UNC13C: variants seen among roughly 807,000 people sequenced by gnomAD.
UNC13C encodes unc-13 homolog C.
A neutral mutation model predicts 245.4 loss-of-function variants in UNC13C; 174 were observed. That is an observed-to-expected ratio of 0.71 (90% CI 0.63 to 0.80). The LOEUF is 0.80. Ranked by LOEUF, UNC13C falls within the 30% of genes least tolerant of loss-of-function variation. UNC13C has a pLI of 0.00. For synonymous variants in UNC13C, 992 were observed against 895.1 expected (o/e 1.11, Z -1.93); for missense variants, 2,829 against 2,602.9 (o/e 1.09, Z -1.89).
chr15:54,272,195 A>T (rs1291342652), intron 10 of UNC13C, among the ~76,000 whole-genome samples: 1 of 152,138 alleles, frequency 6.6e-6, no homozygotes, highest in Non-Finnish European at 1.5e-5. Context: ...ATTGTTTTGG[A>T]CCTTTTGAAG....
chr15:54,218,065 T>C (rs2035096160), intron 4 of UNC13C, among the ~76,000 whole-genome samples: 1 of 151,862 alleles, frequency 6.6e-6, no homozygotes, highest in South Asian at 2.1e-4. Flanking sequence ...TTTAAAAAAT[T>C]TGTATTATAG....
chr15:54,137,738 G>A (rs2031809668), intron 2 of UNC13C, among the ~76,000 whole-genome samples: 1 of 151,604 alleles, frequency 6.6e-6, no homozygotes, highest in Non-Finnish European at 1.5e-5. Context: ...CTAGCTAAGA[G>A]TTTGACAATT....
Position 54,285,569 on chromosome 15 carries a change from T to C in UNC13C, c.3819-8326T>C, listed in dbSNP as rs989927184. 9.2e-5 allele frequency among the ~76,000 whole-genome samples: 14 copies of C among 152,324 alleles called. No homozygotes were observed. The East Asian group carries it at 2.5e-3, about 27-fold the overall frequency. ...GTAACTAGAGAATTTAATTACTGTT[T>C]GAAAGGCTGCCGTGGCTGCTTTGCC... On this transcript the variant is annotated intron_variant, in intron 10 of 32. Coordinates refer to ENST00000260323, the MANE Select transcript of UNC13C (RefSeq NM_001080534.3).
chr15:54,055,609 G>A (rs148982194), intron 2 of UNC13C, among the ~76,000 whole-genome samples: 122 of 152,230 alleles, frequency 8.0e-4, no homozygotes, highest in African/African-American at 2.8e-3. Context: ...CCATCAGTAT[G>A]CATTTGGAAA....
At chr15:53,861,252 G>A in the UNC13C span, among the ~76,000 whole-genome samples, 90,763 of 151,998 alleles carry the variant, frequency 0.6, 27,282 homozygotes, top group East Asian at 0.68. Context: ...TAATTAATTT[G>A]TATTACTTGG....
intron 19 of UNC13C, among the ~76,000 whole-genome samples, chr15:54,446,390 G>A (rs1027356883): frequency 2.6e-5 from 4 of 152,160 alleles, no homozygotes; most frequent in Non-Finnish European, 5.9e-5. Context: ...TAGGCAGTAT[G>A]GCCATTTTCA....
intron 1 of UNC13C, among the ~76,000 whole-genome samples, chr15:54,002,285 CA>C (rs911811741): frequency 1.3e-5 from 2 of 148,396 alleles, no homozygotes; most frequent in Admixed American, 6.7e-5. Flanking sequence ...GAATCCATCT[CA>C]AAAAAAAAGA....
At position 54,300,355 on chromosome 15, in the gene UNC13C, C is replaced by A; in HGVS notation, c.4250C>A (p.Ser1417Tyr). The change falls in exon 13 of 33, where the codon TCC becomes TAC. Residue 1417 changes from serine (S) to tyrosine (Y), a missense_variant. Ser to Tyr is a moderately radical substitution (Grantham distance 144, BLOSUM62 -2). Transcript: ENST00000260323. ...TTTGCTATGCGTTATGGAATTGAATCCATTTATCAAGCTATGACGTAAGTA... is the reference window on the plus strand; with the variant it reads ...TTTGCTATGCGTTATGGAATTGAATACATTTATCAAGCTATGACGTAAGTA... ...DEFAMRYGIE[S>Y]IYQAMTHFSC... 1 of 1,576,120 alleles carries A rather than the reference C, an allele frequency of 6.3e-7. No individual in the cohort carries two copies. Among genetic ancestry groups the A allele is most frequent in the Non-Finnish European group, 8.6e-7 (1 of 1,159,210 alleles).
intron 22 of UNC13C, among the ~76,000 whole-genome samples, chr15:54,502,102 C>T (rs1432047910): frequency 6.6e-6 from 1 of 152,142 alleles, no homozygotes; most frequent in East Asian, 1.9e-4. Context: ...AAATATAAGT[C>T]TGATTCCATG....
At position 54,286,949 on chromosome 15, in the gene UNC13C, C is replaced by A. The variant is rs572500524; in HGVS notation, c.3819-6946C>A. The stretch of plus-strand genomic sequence containing the variant: ...AACATTTAAAATTAGAAATATGAAT[C>A]ACTCTTTAAGAAGAGAATTATTTTT... On this transcript the variant is annotated intron_variant, in intron 10 of 32. Transcript: ENST00000260323. Among the ~76,000 whole-genome samples the A allele has an allele frequency of 2.0e-5, 3 of 152,248 alleles. No homozygotes were observed. The South Asian group carries it at 6.2e-4, about 32-fold the overall frequency.
At chr15:54,202,490 A>C (rs898824181) in intron 4 of UNC13C, among the ~76,000 whole-genome samples, 8 of 152,218 alleles carry the variant, frequency 5.3e-5, no homozygotes, top group African/African-American at 1.9e-4. Flanking sequence ...ATGGAACAGA[A>C]TAGAGAACCC....
At chr15:54,530,788 C>A (rs532177232) in intron 25 of UNC13C, among the ~76,000 whole-genome samples, 1 of 152,214 alleles carries the variant, frequency 6.6e-6, no homozygotes, top group Non-Finnish European at 1.5e-5. Context: ...TCTATTGTGG[C>A]TGGTGCAATG....
At chr15:54,143,984 A>G (rs1047858417) in intron 4 of UNC13C, among the ~76,000 whole-genome samples, 3 of 152,156 alleles carry the variant, frequency 2.0e-5, no homozygotes, top group Non-Finnish European at 4.4e-5. Context: ...TTTTATACAA[A>G]TGAATTCATA....
At chr15:54,518,385 CAT>C (rs1441319841) in intron 24 of UNC13C, among the ~76,000 whole-genome samples, 1 of 152,114 alleles carries the variant, frequency 6.6e-6, no homozygotes, top group East Asian at 1.9e-4. Context: ...CAGGGTTACT[CAT>C]ATACTGCCAA....
rs555312355 is a variant in UNC13C, at chr15:54,256,701, A to G, written c.3448+6257A>G. 2.0e-5 allele frequency among the ~76,000 whole-genome samples: 3 copies of G among 152,322 alleles called. No individual in the cohort carries two copies. The South Asian group carries it at 6.2e-4, about 32-fold the overall frequency. On this transcript the variant is annotated intron_variant, in intron 8 of 32. Transcript: ENST00000260323. ...ACAACAACAACGAAAACACTATACA[A>G]TAAAGATAGAGTTTGGTACTATCTG...
rs58264883 is a variant in UNC13C at position 54,028,684 on chromosome 15, C to CTTTTTTTTT, written c.2983+12811_2983+12819dup. Among the ~76,000 whole-genome samples the CTTTTTTTTT allele has an allele frequency of 1.8e-3, 156 of 87,088 alleles. 2 individuals carry two copies. The highest frequency in any genetic ancestry group is 3.0e-3 in the East Asian group (8 of 2,636). 57.1% of individuals were successfully genotyped at this position (87,088 alleles called of 152,430 possible). ...TGGCCTCCAGAGTCAGCCTACAAGT[C>CTTTTTTTTT]TTTTTTTTTTTTTTTTTTTTTGAGA... On this transcript the variant is annotated intron_variant, in intron 2 of 32. Coordinates refer to ENST00000260323, the MANE Select transcript of UNC13C (RefSeq NM_001080534.3).
chr15:54,241,807 C>T (rs762470701), intron 7 of UNC13C, among the ~76,000 whole-genome samples: 1 of 152,184 alleles, frequency 6.6e-6, no homozygotes, highest in Admixed American at 6.5e-5. Context: ...CATGCTGAGT[C>T]TAATGCCTCC....
intron 30 of UNC13C, among the ~76,000 whole-genome samples, chr15:54,617,349 AG>A (rs759854490): frequency 6.6e-6 from 1 of 152,108 alleles, no homozygotes; most frequent in Non-Finnish European, 1.5e-5. Context: ...GATGTAAAAA[AG>A]AAAAAAGTGG....
At chr15:54,317,341 C>T (rs894228487) in intron 13 of UNC13C, among the ~76,000 whole-genome samples, 2 of 151,836 alleles carry the variant, frequency 1.3e-5, no homozygotes, top group African/African-American at 2.4e-5. Context: ...CTGAATTATT[C>T]AAATTTTCAC....
Sources: gnomAD v4.1 joint callset for allele counts (sites outside exome capture counted in the v4.1 genomes callset) on GRCh38, gnomAD v4.1.1 for gene constraint, MANE v1.5 for transcripts, NCBI Gene and HGNC (gene_info 2026-07-23, HGNC 2026-07-21) for gene names.